The following XRCC4 variants were observed in gnomAD, a reference collection of about 807,000 sequenced individuals.
XRCC4 encodes DNA repair protein XRCC4.
In XRCC4, 28 loss-of-function variants were observed where a neutral mutation model predicts 39.1. That is an observed-to-expected ratio of 0.72 (90% CI 0.53 to 0.98). XRCC4 has a LOEUF of 0.98. Among genes scored for constraint, XRCC4 ranks in the 50% least tolerant of loss-of-function variants. The pLI is 0.00. For missense variants in XRCC4, 350 were observed against 376.4 expected (o/e 0.93, Z 0.58); for synonymous variants, 123 against 126.4 (o/e 0.97, Z 0.18).
At chr5:83,117,631 ATGTGTGTGTGTGTG>A (rs70973379) in intron 3 of XRCC4, among the ~76,000 whole-genome samples, 55,230 of 145,886 alleles carry the variant, frequency 0.38, 10,656 homozygotes, top group Non-Finnish European at 0.42. Flanking sequence ...CTACATATAT[ATGTGTGTGTGTGTG>A]TGTGTGTGTG....
chr5:83,148,254 G>A (rs770758239), intron 3 of XRCC4, among the ~76,000 whole-genome samples: 8 of 152,146 alleles, frequency 5.3e-5, no homozygotes, highest in South Asian at 2.1e-4. Flanking sequence ...CACAGTAGGT[G>A]CTTGATAAAA....
chr5:83,313,469 C>T (rs1012859547), intron 7 of XRCC4, among the ~76,000 whole-genome samples: 1 of 151,886 alleles, frequency 6.6e-6, no homozygotes, highest in Admixed American at 6.6e-5. Flanking sequence ...GGTTTTTTCC[C>T]CCCAGTTTTT....
chr5:83,322,752 G>C (rs2077708), intron 7 of XRCC4, among the ~76,000 whole-genome samples: 2,714 of 152,232 alleles, frequency 0.018, 61 homozygotes, highest in African/African-American at 0.061. Flanking sequence ...GCCAAGGAAT[G>C]CTACAACCAC....
At chr5:83,223,775 G>A (rs1210050816) in intron 6 of XRCC4, among the ~76,000 whole-genome samples, 1 of 151,684 alleles carries the variant, frequency 6.6e-6, no homozygotes, top group African/African-American at 2.4e-5. Flanking sequence ...CTGGTGTGCT[G>A]CACCCATTAA....
chr5:83,215,457 T>C (rs1228734933), intron 6 of XRCC4, among the ~76,000 whole-genome samples: 1 of 152,188 alleles, frequency 6.6e-6, no homozygotes, highest in Non-Finnish European at 1.5e-5. Context: ...AGAATGATCC[T>C]AAAACTTATA....
intron 7 of XRCC4, among the ~76,000 whole-genome samples, chr5:83,320,212 TCGGGGGA>T (rs1366557421): frequency 2.1e-5 from 2 of 96,204 alleles, no homozygotes; most frequent in Non-Finnish European, 3.9e-5. Context: ...TGTTGTGGGG[TCGGGGGA>T]GGGGGGAGGG....
chr5:83,127,539 A>C (rs1160949309), intron 3 of XRCC4, among the ~76,000 whole-genome samples: 1 of 151,720 alleles, frequency 6.6e-6, no homozygotes, highest in Non-Finnish European at 1.5e-5. Context: ...CTGTGAGTCC[A>C]TTAAACCGTT....
At chr5:83,273,711 C>G (rs929909097) in intron 7 of XRCC4, among the ~76,000 whole-genome samples, 2 of 152,062 alleles carry the variant, frequency 1.3e-5, no homozygotes, top group South Asian at 4.1e-4. Context: ...AAGTTTGTCA[C>G]AGATTGGATG....
At chr5:83,152,400 G>T (rs184969280) in intron 3 of XRCC4, among the ~76,000 whole-genome samples, 25 of 152,094 alleles carry the variant, frequency 1.6e-4, no homozygotes, top group Non-Finnish European at 3.4e-4. Flanking sequence ...TTGGGAGGCC[G>T]AGGCGGGTGG....
At chr5:83,184,992 C>G (rs1750371495) in intron 3 of XRCC4, among the ~76,000 whole-genome samples, 1 of 151,900 alleles carries the variant, frequency 6.6e-6, no homozygotes, top group African/African-American at 2.4e-5. Flanking sequence ...TATTCAGGAT[C>G]CCACTATAAA....
chr5:83,366,438 A>G, the XRCC4 span, among the ~76,000 whole-genome samples: 1 of 152,180 alleles, frequency 6.6e-6, no homozygotes, highest in African/African-American at 2.4e-5. Context: ...CTTGAGCTAA[A>G]ACAAGTTAGT....
rs989134781 is a variant in XRCC4, at chr5:83,144,267, C to G, written c.315+33064C>G. 6.4e-5 allele frequency among the ~76,000 whole-genome samples: 9 copies of G among 140,134 alleles called. No homozygotes were observed. The East Asian group carries it at 1.0e-3, about 16-fold the overall frequency. 91.9% of individuals were successfully genotyped at this position (140,134 alleles called of 152,430 possible). Reference sequence around the variant, plus strand: ...TTTTTTCTGGCTGAGTAATATTCCTCTGTGTGTGTGTGTGTGTGTGTGTGT... The same window carrying G: ...TTTTTTCTGGCTGAGTAATATTCCTGTGTGTGTGTGTGTGTGTGTGTGTGT... On this transcript the variant is annotated intron_variant, in intron 3 of 7. Coordinates refer to ENST00000396027, the MANE Select transcript of XRCC4 (RefSeq NM_003401.5).
In XRCC4 at chr5:83,244,165, T is replaced by G. The variant is rs551994549; in HGVS notation, c.746-14365T>G. On this transcript the variant is annotated intron_variant, in intron 6 of 7. Coordinates refer to ENST00000396027, the MANE Select transcript of XRCC4 (RefSeq NM_003401.5). ...AGAAAAGGAAATATAACTCTCCTCA[T>G]TATGTACTTGAAGTATTAATGATTT... Among the ~76,000 whole-genome samples, 8 of 145,478 alleles carry G rather than the reference T, an allele frequency of 5.5e-5. No homozygotes were observed. The East Asian group carries it at 1.5e-3, about 28-fold the overall frequency.
At chr5:83,208,467 A>G (rs1393610147) in intron 6 of XRCC4, among the ~76,000 whole-genome samples, 1 of 152,056 alleles carries the variant, frequency 6.6e-6, no homozygotes, top group Non-Finnish European at 1.5e-5. Context: ...ACTTTTATGC[A>G]TATATCCAGA....
chr5:83,353,451 T>A lies in XRCC4; in HGVS notation c.*209T>A, dbSNP rs137966048. ...ATGACACTGGCACATTATTCTAAAC[T>A]ATTCATTCAGCATGCCTATAATTAC... On this transcript the variant is annotated 3_prime_UTR_variant, in exon 8 of 8. Transcript: ENST00000396027. 2.6e-6 allele frequency: 1 copy of A among 384,706 alleles called. No individual in the cohort carries two copies. Among genetic ancestry groups the A allele is most frequent in the Non-Finnish European group, 4.7e-6 (1 of 214,630 alleles). 23.8% of individuals were successfully genotyped at this position (384,706 alleles called of 1,614,324 possible). A position where few individuals can be genotyped will look rare whatever the true frequency, so the allele number is the denominator to read the frequency against.
chr5:83,323,721 T>C (rs1447824069), intron 7 of XRCC4, among the ~76,000 whole-genome samples: 2 of 142,316 alleles, frequency 1.4e-5, no homozygotes, highest in Non-Finnish European at 1.5e-5. Context: ...AACAAAAATA[T>C]CTGATACTGT....
chr5:83,355,889 C>T (rs1043749282), downstream of XRCC4, among the ~76,000 whole-genome samples: 1 of 152,152 alleles, frequency 6.6e-6, no homozygotes, highest in Non-Finnish European at 1.5e-5. Context: ...CCGCCCACCT[C>T]GGCCTCCCAA....
chr5:83,153,923 A>G (rs1748836362), intron 3 of XRCC4, among the ~76,000 whole-genome samples: 1 of 152,168 alleles, frequency 6.6e-6, no homozygotes, highest in Non-Finnish European at 1.5e-5. Flanking sequence ...GTTATTGTAT[A>G]TGTATTTTTA....
At chr5:83,144,827 C>T (rs1748373296) in intron 3 of XRCC4, among the ~76,000 whole-genome samples, 1 of 151,656 alleles carries the variant, frequency 6.6e-6, no homozygotes, top group African/African-American at 2.4e-5. Flanking sequence ...GTAATATTTC[C>T]ATTTGGTTCT....
Sources: allele counts gnomAD v4.1 joint callset (sites outside exome capture counted in the v4.1 genomes callset), GRCh38; gene constraint gnomAD v4.1.1; transcripts MANE v1.5; gene names NCBI Gene and HGNC (gene_info 2026-07-23, HGNC 2026-07-21).